The following OR52N4 variants were observed in gnomAD, a reference collection of about 807,000 sequenced individuals.
OR52N4 encodes olfactory receptor 52N4.
In OR52N4, 15 loss-of-function variants were observed where a neutral mutation model predicts 15.0. That is an observed-to-expected ratio of 1.00 (90% CI 0.67 to 1.54). The LOEUF is 1.54. OR52N4 is among the 40% of genes most tolerant of loss of function. OR52N4 has a pLI of 0.00. For missense variants in OR52N4, 421 were observed against 394.0 expected (o/e 1.07, Z -0.58); for synonymous variants, 143 against 143.7 (o/e 1.00, Z 0.03).
the OR52N4 span, chr11:5,736,313 G>A: frequency 1.5e-4 from 83 of 562,270 alleles, no homozygotes; most frequent in Non-Finnish European, 6.6e-5. Flanking sequence ...AAAAAATCTA[G>A]TTATTATTAG....
At chr11:5,736,748 G>A in the OR52N4 span, 1 of 1,613,978 alleles carries the variant, frequency 6.2e-7, no homozygotes, top group Non-Finnish European at 8.5e-7. Flanking sequence ...CCTCTGTATG[G>A]TAGACATGGG....
In OR52N4 at chr11:5,755,863, T is replaced by A; in HGVS notation, c.*157T>A. 1 of 847,196 alleles carries A rather than the reference T, an allele frequency of 1.2e-6. No individual in the cohort carries two copies. The highest frequency in any genetic ancestry group is 1.8e-6 in the Non-Finnish European group (1 of 567,206). The allele number at this position is 847,196 out of a possible 1,614,324, so 52.5% of individuals were successfully genotyped here. On this transcript the variant is annotated 3_prime_UTR_variant, in exon 2 of 2. Coordinates refer to ENST00000641350, the MANE Select transcript of OR52N4 (RefSeq NM_001005175.5). ...AATAAGTACCTTGGGAATCTCAACA[T>A]CATTGGAAGGCCCACCAACATTTCT...
Position 5,755,701 on chromosome 11 carries a change from A to G in OR52N4, c.961A>G (p.Met321Val). Reference protein sequence around the residue: ...SGSKDTKSYSM With the variant: ...SGSKDTKSYSV ...TTCTAAGGATACCAAATCCTACAGC[A>G]TGTGAATGAACACTTGCCAGGAGTG... The change falls in exon 2 of 2, where the codon ATG (methionine) becomes GTG (valine). Residue 321 changes from methionine to valine, a missense_variant. Physicochemically the swap from Met to Val is conservative, Grantham distance 21. Transcript: ENST00000641350. The G allele has an allele frequency of 6.2e-7, 1 of 1,612,138 alleles. No individual in the cohort carries two copies. The highest frequency in any genetic ancestry group is 8.5e-7 in the Non-Finnish European group (1 of 1,178,872).
the OR52N4 span, among the ~76,000 whole-genome samples, chr11:5,743,598 A>G: frequency 6.6e-6 from 1 of 152,190 alleles, no homozygotes; most frequent in South Asian, 2.1e-4. Flanking sequence ...AAATATACAA[A>G]TACTTGGAAA....
At chr11:5,727,674 G>T in the OR52N4 span, among the ~76,000 whole-genome samples, 12 of 152,040 alleles carry the variant, frequency 7.9e-5, no homozygotes, top group African/African-American at 2.9e-4. Context: ...TTGCAACCTG[G>T]GTAACGTGCA....
chr11:5,738,013 T>C, the OR52N4 span: 1 of 155,486 alleles, frequency 6.4e-6, no homozygotes, highest in Non-Finnish European at 1.4e-5. Flanking sequence ...AGGATTTATG[T>C]GGAATATGAG....
chr11:5,746,538 C>G, the OR52N4 span, among the ~76,000 whole-genome samples: 25 of 151,980 alleles, frequency 1.6e-4, 2 homozygotes, highest in East Asian at 3.9e-3. Flanking sequence ...ATACAAGTGG[C>G]CAAGAAACAT....
chr11:5,730,690 C>T, the OR52N4 span, among the ~76,000 whole-genome samples: 1 of 151,118 alleles, frequency 6.6e-6, no homozygotes, highest in African/African-American at 2.4e-5. Flanking sequence ...AGAGATCCAT[C>T]TTTGGCTAAC....
the OR52N4 span, chr11:5,736,521 A>G: frequency 1.2e-6 from 2 of 1,613,448 alleles, no homozygotes; most frequent in Non-Finnish European, 1.7e-6. Flanking sequence ...TGAATCATGA[A>G]TCATATGTCT....
At chr11:5,727,707 G>T in the OR52N4 span, among the ~76,000 whole-genome samples, 1 of 152,146 alleles carries the variant, frequency 6.6e-6, no homozygotes, top group Non-Finnish European at 1.5e-5. Flanking sequence ...AACCCACTGT[G>T]TTCTGGAGGG....
the OR52N4 span, among the ~76,000 whole-genome samples, chr11:5,729,487 C>T: frequency 6.6e-6 from 1 of 152,152 alleles, no homozygotes; most frequent in Non-Finnish European, 1.5e-5. Flanking sequence ...AACAAAATTA[C>T]TTTTGTGTTC....
chr11:5,741,936 A>T, the OR52N4 span, among the ~76,000 whole-genome samples: 2 of 152,168 alleles, frequency 1.3e-5, no homozygotes, highest in African/African-American at 2.4e-5. Flanking sequence ...GGAATGGAGG[A>T]GCTGAAAAAC....
the OR52N4 span, among the ~76,000 whole-genome samples, chr11:5,730,433 C>T: frequency 2.3e-4 from 35 of 151,786 alleles, 1 homozygote; most frequent in South Asian, 1.7e-3. Context: ...CCTCGTGATC[C>T]GCCCGCCTCA....
chr11:5,749,306 C>T (rs992627130), upstream of OR52N4, among the ~76,000 whole-genome samples: 1 of 151,944 alleles, frequency 6.6e-6, no homozygotes, highest in Non-Finnish European at 1.5e-5. Context: ...GGGTATATCT[C>T]AGTTGTTTAT....
chr11:5,749,886 T>C (rs1285300938), upstream of OR52N4, among the ~76,000 whole-genome samples: 1 of 152,020 alleles, frequency 6.6e-6, no homozygotes, highest in Non-Finnish European at 1.5e-5. Flanking sequence ...AAGTCAAATT[T>C]CTTTGCAGAA....
chr11:5,753,432 C>G (rs1854228680), upstream of OR52N4, among the ~76,000 whole-genome samples: 1 of 151,976 alleles, frequency 6.6e-6, no homozygotes, highest in Non-Finnish European at 1.5e-5. Flanking sequence ...AATTTTATTT[C>G]TCTTTTGAAG....
chr11:5,736,832 T>A, the OR52N4 span: 29 of 1,613,710 alleles, frequency 1.8e-5, no homozygotes, highest in Non-Finnish European at 2.5e-5. Flanking sequence ...CCTCCCTGAG[T>A]GCTTTGCTCA....
the OR52N4 span, chr11:5,734,353 T>C: frequency 2.7e-6 from 1 of 374,572 alleles, no homozygotes; most frequent in Admixed American, 3.4e-5. Context: ...TTTCTCTCTG[T>C]TTTAGTAGCA....
At chr11:5,741,197 A>G in the OR52N4 span, among the ~76,000 whole-genome samples, 1 of 152,206 alleles carries the variant, frequency 6.6e-6, no homozygotes, top group African/African-American at 2.4e-5. Flanking sequence ...TTCCAGTATG[A>G]TTACAGCATG....
Sources: gnomAD v4.1 joint callset for allele counts (sites outside exome capture counted in the v4.1 genomes callset) on GRCh38, gnomAD v4.1.1 for gene constraint, MANE v1.5 for transcripts, NCBI Gene and HGNC (gene_info 2026-07-23, HGNC 2026-07-21) for gene names.